The following CAND2 variants were observed in gnomAD, a reference collection of about 807,000 sequenced individuals.
CAND2 encodes the protein cullin-associated NEDD8-dissociated protein 2.
A neutral mutation model predicts 98.9 loss-of-function variants in CAND2; 62 were observed. The observed-to-expected ratio is 0.63, with a 90% CI of 0.51 to 0.77. CAND2 has a LOEUF of 0.77. CAND2 is among the 30% of genes least tolerant of loss of function. The pLI is 0.00. For missense variants in CAND2, 1,501 were observed against 1,655.2 expected (o/e 0.91, Z 1.62); for synonymous variants, 770 against 731.9 (o/e 1.05, Z -0.84).
chr3:12,817,230 G>T lies in CAND2; in HGVS notation c.2298G>T (p.Gly766=). 6.2e-7 allele frequency: 1 copy of T among 1,613,792 alleles called. No individual in the cohort carries two copies. Among genetic ancestry groups the T allele is most frequent in the South Asian group, 1.1e-5 (1 of 91,084 alleles). ...AAEGFLQALV[G]TRPPCVDYAK... ...AAGGCTTCCTGCAGGCCCTGGTAGG[G>T]ACCCGTCCCCCGTGTGTGGACTATG... is the stretch of plus-strand genomic sequence containing the variant. Residue 766 remains glycine, a synonymous_variant, in exon 10 of 15, where the codon GGG becomes GGT. Transcript: ENST00000456430.
intron 4 of CAND2, among the ~76,000 whole-genome samples, chr3:12,809,398 A>G (rs894362497): frequency 6.6e-6 from 1 of 152,180 alleles, no homozygotes; most frequent in African/African-American, 2.4e-5. Context: ...CAGGCAAACA[A>G]ATGAAACCTA....
intron 12 of CAND2, 129 bp downstream of exon 12, chr3:12,825,768 G>A: frequency 1.0e-6 from 1 of 983,262 alleles, no homozygotes; most frequent in Non-Finnish European, 1.5e-6. Context: ...GTCCTGCCCT[G>A]ACTCCGAGCT....
intron 11 of CAND2, among the ~76,000 whole-genome samples, chr3:12,823,534 C>G (rs1011932894): frequency 1.2e-4 from 18 of 152,106 alleles, no homozygotes; most frequent in Admixed American, 3.9e-4. Context: ...CGAGACCATC[C>G]TGGCTAACAC....
At chr3:12,805,277 CTT>C (rs71268422) in intron 2 of CAND2, among the ~76,000 whole-genome samples, 2 of 146,024 alleles carry the variant, frequency 1.4e-5, no homozygotes, top group Non-Finnish European at 3.0e-5. Context: ...GCAAGATTTT[CTT>C]TTTTTTTTCT....
Position 12,810,317 on chromosome 3 carries a change from C to T in CAND2, c.750C>T (p.His250=). Residue 250 remains histidine, a synonymous_variant, in exon 5 of 15, where the codon CAC becomes CAT. Coordinates refer to ENST00000456430, the MANE Select transcript of CAND2 (RefSeq NM_001162499.2). ...CLGSVGRQAG[H]RLGAHLDRLV... Reference sequence around the variant, plus strand: ...GCAGCGTCGGCCGCCAGGCCGGCCACCGCCTCGGTAAGGGGGCAGGGGGCG... The same window carrying T: ...GCAGCGTCGGCCGCCAGGCCGGCCATCGCCTCGGTAAGGGGGCAGGGGGCG... The T allele has an allele frequency of 6.9e-7, 1 of 1,457,442 alleles. No individual in the cohort carries two copies. Among genetic ancestry groups the T allele is most frequent in the Non-Finnish European group, 9.0e-7 (1 of 1,105,182 alleles). The allele number at this position is 1,457,442 out of a possible 1,614,324, so 90.3% of individuals were successfully genotyped here.
chr3:12,808,167 C>T, intron 3 of CAND2, 43 bp from the exon 4 acceptor site: 1 of 1,547,598 alleles, frequency 6.5e-7, no homozygotes, highest in Non-Finnish European at 8.7e-7. Flanking sequence ...CTGCCTTTCC[C>T]CCAGGCCAGG....
At chr3:12,801,034 ATTTTTTTTTT>A (rs372893921) in intron 1 of CAND2, among the ~76,000 whole-genome samples, 1 of 100,752 alleles carries the variant, frequency 9.9e-6, no homozygotes, top group African/African-American at 3.4e-5. Flanking sequence ...GGAAATCAGT[ATTTTTTTTTT>A]TTTTTTTTTT....
intron 1 of CAND2, among the ~76,000 whole-genome samples, chr3:12,801,130 C>T (rs1317510596): frequency 2.7e-5 from 4 of 149,750 alleles, no homozygotes; most frequent in South Asian, 2.1e-4. Flanking sequence ...CTTTGCCTCC[C>T]GGGTTCAAGT....
chr3:12,799,712 T>C (rs761131841), intron 1 of CAND2, among the ~76,000 whole-genome samples: 2 of 152,074 alleles, frequency 1.3e-5, no homozygotes, highest in African/African-American at 2.4e-5. Flanking sequence ...CCTCAGTGAG[T>C]GTACAGTCCA....
At chr3:12,821,903 C>A (rs988802892) in intron 11 of CAND2, among the ~76,000 whole-genome samples, 13 of 152,160 alleles carry the variant, frequency 8.5e-5, no homozygotes, top group African/African-American at 7.2e-5. Context: ...TGGTTTCTCT[C>A]CACTCTAAAA....
chr3:12,812,988 A>G lies in CAND2; in HGVS notation c.758-2A>G, dbSNP rs374416758. On this transcript the variant is annotated splice_acceptor_variant, in intron 5 of 14. Coordinates refer to ENST00000456430, the MANE Select transcript of CAND2 (RefSeq NM_001162499.2). LOFTEE classifies it high-confidence loss of function. ...GGTTCAGTGATCCACCTGGCCCTGC[A>G]GGGGCTCACCTGGACCGCCTGGTGC... 2.0e-5 allele frequency: 32 copies of G among 1,562,552 alleles called. No individual in the cohort carries two copies. Among genetic ancestry groups the G allele is most frequent in the Non-Finnish European group, 2.3e-5 (26 of 1,152,432 alleles).
rs2061870121 is a variant in CAND2, at chr3:12,813,339, T to G, written c.957T>G (p.Asp319Glu). The G allele has an allele frequency of 6.2e-7, 1 of 1,614,058 alleles. No homozygotes were observed. Among genetic ancestry groups the G allele is most frequent in the African/African-American group, 1.3e-5 (1 of 75,012 alleles). Reference sequence around the variant, plus strand: ...ACCCCAACTACAACTACGACAGTGATGAGGATGAGGAGCAGATGGAGACAG... The same window carrying G: ...ACCCCAACTACAACTACGACAGTGAGGAGGATGAGGAGCAGATGGAGACAG... ...KHDPNYNYDS[D>E]EDEEQMETED... Residue 319 changes from aspartate (D) to glutamate (E), a missense_variant, in exon 7 of 15, where the codon GAT (aspartate) becomes GAG (glutamate). Coordinates refer to ENST00000456430, the MANE Select transcript of CAND2 (RefSeq NM_001162499.2).
chr3:12,825,507 C>T lies in CAND2; in HGVS notation c.3078C>T (p.Asn1026=), dbSNP rs777626074. ...AGAGCCTGCAGGACCCAGACCTGAA[C>T]GTGCGCCGTGCGACTCTGGCTTTCT... ...FMESLQDPDL[N]VRRATLAFFN... is the part of the protein sequence containing the mutation. The change falls in exon 12 of 15, where the codon AAC becomes AAT. Residue 1026 remains asparagine (N), a synonymous_variant. Coordinates refer to ENST00000456430, the MANE Select transcript of CAND2 (RefSeq NM_001162499.2). The T allele has an allele frequency of 6.6e-5, 104 of 1,575,298 alleles. No homozygotes were observed. Among genetic ancestry groups the T allele is most frequent in the South Asian group, 6.0e-4 (52 of 86,034 alleles).
intron 7 of CAND2, among the ~76,000 whole-genome samples, chr3:12,814,669 A>G (rs1038158659): frequency 6.6e-6 from 1 of 152,098 alleles, no homozygotes; most frequent in Admixed American, 6.5e-5. Context: ...GAAACATCAC[A>G]TAGCCAAACC....
Position 12,831,580 on chromosome 3 carries a change from C to G in CAND2, c.3483+8C>G. The stretch of plus-strand genomic sequence containing the variant: ...GCCACCTGCACTGCCAAGGTAAGTC[C>G]CTGGCCCAGCCCTAGCCCAGGCCCT... On this transcript the variant is annotated splice_region_variant and intron_variant, in intron 14 of 14. Transcript: ENST00000456430. The G allele has an allele frequency of 6.3e-7, 1 of 1,599,166 alleles. No individual in the cohort carries two copies. Among genetic ancestry groups the G allele is most frequent in the African/African-American group, 1.3e-5 (1 of 74,788 alleles).
intron 10 of CAND2, among the ~76,000 whole-genome samples, chr3:12,819,304 C>G (rs192866929): frequency 5.9e-5 from 9 of 152,178 alleles, no homozygotes; most frequent in Non-Finnish European, 8.8e-5. Context: ...AACTTTTCCT[C>G]GAGGCTGAAC....
intron 7 of CAND2, among the ~76,000 whole-genome samples, chr3:12,813,665 G>A (rs1229398733): frequency 6.6e-6 from 1 of 152,256 alleles, no homozygotes; most frequent in African/African-American, 2.4e-5. Context: ...ATACTGAGAA[G>A]AGAGTGGCCT....
At chr3:12,812,221 C>CTTTTTTTTTTTTTT (rs531439250) in intron 5 of CAND2, among the ~76,000 whole-genome samples, 2,763 of 74,414 alleles carry the variant, frequency 0.037, 591 homozygotes, top group African/African-American at 0.074. Context: ...AGCTGTTTAT[C>CTTTTTTTTTTTTTT]TTTTTTTTTT....
intron 14 of CAND2, 137 bp from the exon 15 acceptor site, chr3:12,833,618 A>C (rs1450758712): frequency 1.4e-6 from 1 of 693,134 alleles, no homozygotes; most frequent in Non-Finnish European, 2.5e-6. Flanking sequence ...GTGAGACAGA[A>C]GCCTCAGGAG....
Sources: gnomAD v4.1 joint callset for allele counts (sites outside exome capture counted in the v4.1 genomes callset) on GRCh38, gnomAD v4.1.1 for gene constraint, MANE v1.5 for transcripts, NCBI Gene and HGNC (gene_info 2026-07-23, HGNC 2026-07-21) for gene names.